The following IL1RAPL1 variants were observed in gnomAD, a reference collection of about 807,000 sequenced individuals.
IL1RAPL1 encodes the protein interleukin-1 receptor accessory protein-like 1.
A neutral mutation model predicts 48.4 loss-of-function variants in IL1RAPL1; 3 were observed. That is an observed-to-expected ratio of 0.06 (90% confidence interval 0.03 to 0.16). The LOEUF (loss-of-function observed/expected upper bound fraction) is 0.16. Ranked by LOEUF, IL1RAPL1 falls within the 10% of genes least tolerant of loss-of-function variation. The pLI, the probability that IL1RAPL1 is intolerant of heterozygous loss-of-function variation, is 1.00. For synonymous variants in IL1RAPL1, 185 were observed against 187.7 expected, an observed-to-expected ratio of 0.99 and a Z score of 0.12; for missense variants, 349 against 530.6, an observed-to-expected ratio of 0.66 and a Z score of 3.36.
At chrX:29,530,092 A>G (rs992337371) in intron 5 of IL1RAPL1, among the ~76,000 whole-genome samples, 3 of 112,261 alleles carry the variant, frequency 2.7e-5, no homozygotes, top group Non-Finnish European at 5.6e-5. Context: ...ATCCAATCAA[A>G]TGAACCTATT....
Position 29,824,574 on chromosome X carries a change from C to A in IL1RAPL1, c.779-92890C>A, listed in dbSNP as rs371346347. Reference sequence around the variant, plus strand: ...TCGAAGCCATGTCTACAAAGGCTGGCGTTTAGTCAGCTAAACATTTGAAAG... The same window carrying A: ...TCGAAGCCATGTCTACAAAGGCTGGAGTTTAGTCAGCTAAACATTTGAAAG... On this transcript the variant is annotated intron_variant, in intron 6 of 10. Coordinates refer to ENST00000378993, the MANE Select transcript of IL1RAPL1 (RefSeq NM_014271.4). 3.6e-5 allele frequency among the ~76,000 whole-genome samples: 4 copies of A among 112,284 alleles called. No homozygotes were observed. In the Admixed American group the frequency reaches 3.8e-4, roughly 11 times the overall value.
chrX:28,647,169 T>C (rs1471217175), intron 1 of IL1RAPL1, among the ~76,000 whole-genome samples: 1 of 112,347 alleles, frequency 8.9e-6, no homozygotes, highest in Non-Finnish European at 1.9e-5. Flanking sequence ...GTTAAGAAAA[T>C]CATGCTAATT....
chrX:28,872,337 G>T (rs1922229640), intron 2 of IL1RAPL1, among the ~76,000 whole-genome samples: 2 of 111,758 alleles, frequency 1.8e-5, no homozygotes, highest in Admixed American at 1.9e-4. Flanking sequence ...ATTATTAATA[G>T]AATCTTCCTT....
intron 2 of IL1RAPL1, among the ~76,000 whole-genome samples, chrX:29,212,165 G>T (rs1001569925): frequency 5.4e-5 from 6 of 111,150 alleles, no homozygotes; most frequent in Non-Finnish European, 7.5e-5. Context: ...GTGTTGCCCC[G>T]ACTTCTCTCC....
chrX:28,721,697 A>G (rs1290479155), intron 1 of IL1RAPL1, among the ~76,000 whole-genome samples: 1 of 111,100 alleles, frequency 9.0e-6, no homozygotes, highest in Non-Finnish European at 1.9e-5. Flanking sequence ...GGTATTGCCT[A>G]GGTTTTCTTC....
Position 29,938,992 on chromosome X carries a change from T to G in IL1RAPL1, c.1058-2659T>G, listed in dbSNP as rs929685818. On this transcript the variant is annotated intron_variant, in intron 8 of 10. Coordinates refer to ENST00000378993, the MANE Select transcript of IL1RAPL1 (RefSeq NM_014271.4). ...TCATCATTTCCTGTTAATGGACATT[T>G]AAGTTGTCTCTATTTGTGGCTGCTG... Among the ~76,000 whole-genome samples, 31 of 112,590 alleles carry G rather than the reference T, an allele frequency of 2.8e-4. 1 individual carries two copies. The highest frequency in any genetic ancestry group is 1.1e-4 in the Non-Finnish European group (6 of 53,313).
At chrX:29,388,106 CAAAAAAAAA>C (rs71862742) in intron 3 of IL1RAPL1, among the ~76,000 whole-genome samples, 14 of 51,716 alleles carry the variant, frequency 2.7e-4, no homozygotes, top group Non-Finnish European at 4.4e-4. Flanking sequence ...AAGGTTAAGC[CAAAAAAAAA>C]AAAAAAAAAA....
At chrX:29,808,409 T>A (rs1016656878) in intron 6 of IL1RAPL1, among the ~76,000 whole-genome samples, 6 of 111,747 alleles carry the variant, frequency 5.4e-5, no homozygotes, top group African/African-American at 1.9e-4. Flanking sequence ...AAGTAAATGT[T>A]TCCAATAATA....
At chrX:28,832,121 C>T (rs1921076220) in intron 2 of IL1RAPL1, among the ~76,000 whole-genome samples, 1 of 111,205 alleles carries the variant, frequency 9.0e-6, no homozygotes, top group Non-Finnish European at 1.9e-5. Flanking sequence ...CAAAATCTTT[C>T]TTCTAGCCAT....
chrX:29,586,663 A>G (rs5927863), intron 5 of IL1RAPL1, among the ~76,000 whole-genome samples: 32,874 of 110,277 alleles, frequency 0.3, 3,547 homozygotes, highest in South Asian at 0.45. Flanking sequence ...AATTCTTCCA[A>G]TCCATGAACA....
At chrX:29,368,219 C>A (rs767522532) in intron 3 of IL1RAPL1, among the ~76,000 whole-genome samples, 5 of 111,951 alleles carry the variant, frequency 4.5e-5, no homozygotes, top group African/African-American at 1.6e-4. Context: ...ATTTAAAGTA[C>A]ACTAGAGGAT....
At chrX:29,202,555 A>C (rs1930576682) in intron 2 of IL1RAPL1, among the ~76,000 whole-genome samples, 1 of 111,981 alleles carries the variant, frequency 8.9e-6, no homozygotes, top group African/African-American at 3.2e-5. Context: ...AGAAACACAC[A>C]TGCGTATGTT....
chrX:29,477,331 A>G (rs1403165783), intron 5 of IL1RAPL1, among the ~76,000 whole-genome samples: 1 of 112,080 alleles, frequency 8.9e-6, no homozygotes, highest in Non-Finnish European at 1.9e-5. Flanking sequence ...TATTGCTGCT[A>G]TTATTAACCA....
intron 2 of IL1RAPL1, among the ~76,000 whole-genome samples, chrX:29,059,961 A>T (rs1927305453): frequency 8.9e-6 from 1 of 111,786 alleles, no homozygotes; most frequent in South Asian, 3.7e-4. Context: ...GCTTGTGGAA[A>T]TCTAGAAATG....
At chrX:29,281,073 G>T (rs1015058192) in intron 2 of IL1RAPL1, among the ~76,000 whole-genome samples, 12 of 111,667 alleles carry the variant, frequency 1.1e-4, no homozygotes, top group African/African-American at 1.6e-4. Flanking sequence ...TGTCTTCTTT[G>T]CTGTAATGTA....
At chrX:29,246,409 C>T (rs1275758771) in intron 2 of IL1RAPL1, among the ~76,000 whole-genome samples, 1 of 110,041 alleles carries the variant, frequency 9.1e-6, no homozygotes, top group African/African-American at 3.3e-5. Flanking sequence ...TGATCTACCT[C>T]TCATCATCCT....
At chrX:29,713,371 A>G (rs950347109) in intron 6 of IL1RAPL1, among the ~76,000 whole-genome samples, 21 of 111,808 alleles carry the variant, frequency 1.9e-4, no homozygotes, top group Non-Finnish European at 2.6e-4. Flanking sequence ...TAAATTTTAA[A>G]AATGGATTCA....
chrX:29,003,546 A>G (rs1468031295), intron 2 of IL1RAPL1, among the ~76,000 whole-genome samples: 4 of 112,346 alleles, frequency 3.6e-5, no homozygotes, highest in African/African-American at 1.3e-4. Context: ...ATGATATGCC[A>G]CAGACATAAA....
intron 2 of IL1RAPL1, among the ~76,000 whole-genome samples, chrX:29,006,647 ATGTG>A (rs547186942): frequency 0.074 from 5,674 of 76,791 alleles, 263 homozygotes; most frequent in African/African-American, 0.15. Flanking sequence ...GTTTATATAT[ATGTG>A]TGTGTGTGTG....
Sources: gnomAD v4.1 joint callset for allele counts (sites outside exome capture counted in the v4.1 genomes callset) on GRCh38, gnomAD v4.1.1 for gene constraint, MANE v1.5 for transcripts, NCBI Gene and HGNC (gene_info 2026-07-23, HGNC 2026-07-21) for gene names.